ASCC3: variants seen among roughly 807,000 people sequenced by gnomAD.
ASCC3 encodes activating signal cointegrator 1 complex subunit 3.
In ASCC3, 158 loss-of-function variants were observed where a neutral mutation model predicts 256.3. The observed-to-expected ratio is 0.62, with a 90% CI of 0.54 to 0.70. ASCC3 has a LOEUF of 0.70. ASCC3 is among the 30% of genes least tolerant of loss of function. The pLI, the probability that ASCC3 is intolerant of heterozygous loss-of-function variation, is 0.00. For missense variants in ASCC3, 2,259 were observed against 2,626.0 expected (o/e 0.86, Z 3.05); for synonymous variants, 948 against 883.4 (o/e 1.07, Z -1.30).
At chr6:100,859,025 G>T in intron 3 of ASCC3, 1 of 720,960 alleles carries the variant, frequency 1.4e-6, no homozygotes, top group Non-Finnish European at 2.6e-6. Context: ...TGTACTTAAG[G>T]TTTTTAATTA....
At chr6:100,766,051 G>C (rs1013345270) in intron 10 of ASCC3, among the ~76,000 whole-genome samples, 1 of 152,034 alleles carries the variant, frequency 6.6e-6, no homozygotes, top group African/African-American at 2.4e-5. Context: ...GACAGAAACT[G>C]TGTCTTAAGT....
At chr6:100,656,987 G>A (rs1775944310) in intron 16 of ASCC3, among the ~76,000 whole-genome samples, 1 of 151,020 alleles carries the variant, frequency 6.6e-6, no homozygotes, top group Admixed American at 6.6e-5. Context: ...ATTAAAGAAA[G>A]TAAAACCTTC....
At chr6:100,716,724 T>A (rs1476430800) in intron 12 of ASCC3, among the ~76,000 whole-genome samples, 1 of 151,942 alleles carries the variant, frequency 6.6e-6, no homozygotes, top group African/African-American at 2.4e-5. Context: ...CCCATTCCTT[T>A]CATGATTATG....
chr6:100,789,452 C>T (rs1401683407), intron 8 of ASCC3, among the ~76,000 whole-genome samples: 1 of 151,796 alleles, frequency 6.6e-6, no homozygotes, highest in Non-Finnish European at 1.5e-5. Context: ...CATTCATTTG[C>T]CAGGGGGAAA....
At chr6:100,707,057 C>A (rs970625516) in intron 13 of ASCC3, among the ~76,000 whole-genome samples, 9 of 152,074 alleles carry the variant, frequency 5.9e-5, no homozygotes, top group African/African-American at 2.2e-4. Flanking sequence ...TCATCCTCAT[C>A]TCACAAGTAT....
chr6:100,531,063 A>C, intron 37 of ASCC3: 4 of 1,470,340 alleles, frequency 2.7e-6, no homozygotes, highest in Non-Finnish European at 3.8e-6. Flanking sequence ...CACTAAAGGA[A>C]TCTTCTAGAA....
At chr6:100,806,990 T>G (rs1770216713) in intron 4 of ASCC3, among the ~76,000 whole-genome samples, 1 of 151,884 alleles carries the variant, frequency 6.6e-6, no homozygotes, top group Admixed American at 6.6e-5. Context: ...TTTAGAAAAT[T>G]TACACAAATT....
At chr6:100,729,493 T>A (rs1779799070) in intron 10 of ASCC3, among the ~76,000 whole-genome samples, 2 of 152,184 alleles carry the variant, frequency 1.3e-5, no homozygotes, top group African/African-American at 4.8e-5. Flanking sequence ...CAATTTTAAT[T>A]GTTTCATTAT....
At chr6:100,751,728 C>T (rs1308166991) in intron 10 of ASCC3, among the ~76,000 whole-genome samples, 1 of 152,022 alleles carries the variant, frequency 6.6e-6, no homozygotes, top group Non-Finnish European at 1.5e-5. Context: ...TTTCAGCTTA[C>T]CTGCTCATTT....
At chr6:100,528,802 C>A (rs1774722850) in intron 37 of ASCC3, among the ~76,000 whole-genome samples, 1 of 152,152 alleles carries the variant, frequency 6.6e-6, no homozygotes, top group South Asian at 2.1e-4. Flanking sequence ...AGAATACTTT[C>A]AAAGCAGCTG....
chr6:100,615,819 G>A (rs77379601), intron 30 of ASCC3, among the ~76,000 whole-genome samples: 4,603 of 152,190 alleles, frequency 0.03, 76 homozygotes, highest in African/African-American at 0.055. Flanking sequence ...CAAACATTCA[G>A]TGCTCAGCAA....
chr6:100,742,630 A>G (rs1780491327), intron 10 of ASCC3, among the ~76,000 whole-genome samples: 1 of 152,204 alleles, frequency 6.6e-6, no homozygotes, highest in Admixed American at 6.5e-5. Context: ...AGTCCTGCTT[A>G]AAGAAGCAGT....
intron 8 of ASCC3, among the ~76,000 whole-genome samples, chr6:100,771,062 A>G (rs1781894056): frequency 1.3e-5 from 2 of 152,280 alleles, no homozygotes; most frequent in Non-Finnish European, 1.5e-5. Context: ...AAATCAAAAC[A>G]GCAAGGTATT....
At chr6:100,723,902 A>ATATATATATATATATAT in intron 11 of ASCC3, among the ~76,000 whole-genome samples, 1 of 126,724 alleles carries the variant, frequency 7.9e-6, no homozygotes, top group East Asian at 2.4e-4. Context: ...ATATATTTAT[A>ATATATATATATATATAT]ATTATATATA....
intron 10 of ASCC3, among the ~76,000 whole-genome samples, chr6:100,760,349 T>C (rs1042681060): frequency 2.0e-5 from 3 of 152,192 alleles, no homozygotes; most frequent in Non-Finnish European, 4.4e-5. Flanking sequence ...TATTGAGAGT[T>C]TTTAACATGA....
chr6:100,763,946 G>A (rs183215243), intron 10 of ASCC3, among the ~76,000 whole-genome samples: 2 of 144,606 alleles, frequency 1.4e-5, no homozygotes, highest in East Asian at 4.0e-4. Flanking sequence ...GACAGACTAG[G>A]CATAAGTCTA....
intron 11 of ASCC3, among the ~76,000 whole-genome samples, chr6:100,724,394 T>A (rs189891026): frequency 6.6e-6 from 1 of 151,610 alleles, no homozygotes; most frequent in African/African-American, 2.4e-5. Context: ...AAAAGGGAAA[T>A]TGAATTGAGA....
chr6:100,556,916 G>T (rs1769605639), intron 36 of ASCC3, among the ~76,000 whole-genome samples: 1 of 152,062 alleles, frequency 6.6e-6, no homozygotes, highest in South Asian at 2.1e-4. Context: ...ATGTGAAATT[G>T]GGGAGCAGAG....
chr6:100,620,779 C>G (rs1015376683), intron 30 of ASCC3, among the ~76,000 whole-genome samples: 1 of 152,160 alleles, frequency 6.6e-6, no homozygotes, highest in Non-Finnish European at 1.5e-5. Flanking sequence ...ACACAAGGAG[C>G]AGCAATGGAA....
Sources: allele counts gnomAD v4.1 joint callset (sites outside exome capture counted in the v4.1 genomes callset), GRCh38; gene constraint gnomAD v4.1.1; transcripts MANE v1.5; gene names NCBI Gene and HGNC (gene_info 2026-07-23, HGNC 2026-07-21).